The following ZNF324B variants were observed in gnomAD, a reference collection of about 807,000 sequenced individuals.
ZNF324B encodes the protein zinc finger protein 324B.
A neutral mutation model predicts 10.6 loss-of-function variants in ZNF324B; 7 were observed. That is an observed-to-expected ratio of 0.66 (90% CI 0.38 to 1.24). The LOEUF (loss-of-function observed/expected upper bound fraction) is 1.24, where lower values mean the gene tolerates loss of function less well. ZNF324B is among the 50% of genes most tolerant of loss of function. The probability of loss-of-function intolerance (pLI) is 0.02; values close to 1 mark genes in which losing one functional copy is unlikely to be tolerated. For missense variants in ZNF324B, 640 were observed against 764.7 expected, an observed-to-expected ratio of 0.84 and a Z score of 1.92; for synonymous variants, 316 against 321.0, an observed-to-expected ratio of 0.98 and a Z score of 0.17.
rs905386534 is a variant in ZNF324B, at chr19:58,455,679, G to C, written c.735G>C (p.Glu245Asp). 5 of 1,613,396 alleles carry C rather than the reference G, an allele frequency of 3.1e-6. No homozygotes were observed. In the African/African-American group the frequency reaches 6.7e-5, roughly 22 times the overall value. ...GCCAGGAGCCCTCGACCTGGGACGA[G>C]CTGGGCGAGGCTCTTCACGCTGGGG... ...LGGQEPSTWD[E>D]LGEALHAGEK... Residue 245 changes from glutamate to aspartate, a missense_variant, in exon 4 of 4, where the codon GAG becomes GAC. Glu to Asp is a conservative substitution (Grantham distance 45). This residue lies in a region of ZNF324B where 345 missense variants were observed against 387.9 expected (regional missense o/e 0.89). Coordinates refer to ENST00000336614, the MANE Select transcript of ZNF324B (RefSeq NM_207395.3). The surrounding 1 kb of genome is among the most constrained non-coding windows in gnomAD (Gnocchi z 7.0).
chr19:58,424,140 T>G, the ZNF324B span, among the ~76,000 whole-genome samples: 1 of 151,524 alleles, frequency 6.6e-6, no homozygotes, highest in Non-Finnish European at 1.5e-5. Flanking sequence ...TCTCAGCTAC[T>G]TGGGAGGCTA....
the ZNF324B span, among the ~76,000 whole-genome samples, chr19:58,423,486 A>G: frequency 1.3e-5 from 2 of 152,204 alleles, no homozygotes; most frequent in African/African-American, 4.8e-5. Context: ...TAAAATGACC[A>G]TACTGCCCAA....
At chr19:58,448,665 T>G (rs2052837993), upstream of ZNF324B, among the ~76,000 whole-genome samples, 1 of 152,150 alleles carries the variant, frequency 6.6e-6, no homozygotes, top group Admixed American at 6.5e-5. Flanking sequence ...AGGCGGAGCT[T>G]GCAGTGAGCC....
chr19:58,423,532 T>C, the ZNF324B span, among the ~76,000 whole-genome samples: 1 of 152,178 alleles, frequency 6.6e-6, no homozygotes, highest in Non-Finnish European at 1.5e-5. Context: ...CCTATGAAGA[T>C]ATCAAATGCA....
At chr19:58,435,237 C>T in the ZNF324B span, 2 of 1,588,112 alleles carry the variant, frequency 1.3e-6, no homozygotes, top group Admixed American at 1.8e-5. Flanking sequence ...TGCCAGTTAA[C>T]TAAGAATTCC....
chr19:58,438,395 G>A, the ZNF324B span, among the ~76,000 whole-genome samples: 1 of 151,766 alleles, frequency 6.6e-6, no homozygotes, highest in African/African-American at 2.4e-5. Context: ...ATACAACATG[G>A]CCAAAATCCA....
At chr19:58,427,226 G>A in the ZNF324B span, among the ~76,000 whole-genome samples, 1 of 151,840 alleles carries the variant, frequency 6.6e-6, no homozygotes, top group African/African-American at 2.4e-5. Flanking sequence ...TGCCTCCCAG[G>A]CTCAAGCAAT....
At chr19:58,437,332 C>T in the ZNF324B span, 3 of 1,166,362 alleles carry the variant, frequency 2.6e-6, no homozygotes, top group Non-Finnish European at 2.4e-6. Flanking sequence ...CTCAGTCCAC[C>T]CACTACTCAC....
the ZNF324B span, chr19:58,429,886 A>G: frequency 6.6e-6 from 1 of 152,246 alleles, no homozygotes; most frequent in Non-Finnish European, 1.5e-5. Context: ...GAGATGAGAC[A>G]GTATGGCAGG....
chr19:58,431,562 G>A, the ZNF324B span, among the ~76,000 whole-genome samples: 354 of 152,278 alleles, frequency 2.3e-3, 1 homozygote, highest in African/African-American at 7.8e-3. Context: ...CACCTGGCCA[G>A]GCCTCTCCTT....
upstream of ZNF324B, chr19:58,451,480 G>C (rs1213648063): frequency 3.4e-5 from 12 of 357,708 alleles, no homozygotes; most frequent in Non-Finnish European, 6.1e-5. Context: ...GCGCTTAGCC[G>C]TTGCCATGGA....
At chr19:58,454,486 G>T (rs1344987202) in intron 3 of ZNF324B, 142 bp downstream of exon 3, 1 of 642,886 alleles carries the variant, frequency 1.6e-6, no homozygotes, top group Non-Finnish European at 2.8e-6. Context: ...CTCTCCTGGA[G>T]GCTGCTGCCT....
chr19:58,423,779 G>T, the ZNF324B span, among the ~76,000 whole-genome samples: 1 of 151,936 alleles, frequency 6.6e-6, no homozygotes, highest in African/African-American at 2.4e-5. Context: ...ACAGCCAACT[G>T]ATTTTCAACA....
the ZNF324B span, chr19:58,433,580 T>G: frequency 1.9e-6 from 3 of 1,614,246 alleles, no homozygotes; most frequent in Non-Finnish European, 2.5e-6. Context: ...CTTTCTCCAG[T>G]GTGAACTCTC....
intron 1 of ZNF324B, 193 bp downstream of exon 1, chr19:58,451,897 G>A (rs895896483): frequency 2.3e-5 from 6 of 256,332 alleles, no homozygotes; most frequent in South Asian, 3.2e-5. Flanking sequence ...GCCGCGGGAG[G>A]CTGCTGGCGG....
chr19:58,433,250 A>G, the ZNF324B span: 1 of 1,473,268 alleles, frequency 6.8e-7, no homozygotes, highest in South Asian at 1.3e-5. Flanking sequence ...TTTTTCTGGT[A>G]TGGGGATTCT....
the ZNF324B span, among the ~76,000 whole-genome samples, chr19:58,427,950 ACATATTGGAGACATTAGCATCTTC>A: frequency 6.6e-6 from 1 of 152,188 alleles, no homozygotes; most frequent in African/African-American, 2.4e-5. Flanking sequence ...CATGTGTCTT[ACATATTGGAGACATTAGCATCTTC>A]CATATTGGAG....
the ZNF324B span, chr19:58,439,883 G>A: frequency 1.3e-6 from 2 of 1,506,548 alleles, no homozygotes; most frequent in Admixed American, 2.2e-5. Context: ...GCTGGGTGAC[G>A]GTCGCACTCA....
At chr19:58,422,383 C>A in the ZNF324B span, among the ~76,000 whole-genome samples, 1 of 152,200 alleles carries the variant, frequency 6.6e-6, no homozygotes, top group Non-Finnish European at 1.5e-5. Context: ...ACTTTCACCA[C>A]TCCTATTCAA....
Sources: gnomAD v4.1 joint callset for allele counts (sites outside exome capture counted in the v4.1 genomes callset) on GRCh38, gnomAD v4.1.1 for gene constraint, gnomAD v4.1.1 regional missense constraint, Gnocchi (gnomAD v3.1) non-coding constraint, MANE v1.5 for transcripts, NCBI Gene and HGNC (gene_info 2026-07-23, HGNC 2026-07-21) for gene names.